FMNL2: variants seen among roughly 807,000 people sequenced by gnomAD.
FMNL2 encodes the protein formin like 2.
Under a neutral mutation model 130.2 loss-of-function variants are expected in FMNL2, and 51 were observed. That is an observed-to-expected ratio of 0.39 (90% CI 0.31 to 0.49). FMNL2 has a LOEUF of 0.49. Among genes scored for constraint, FMNL2 ranks in the 20% least tolerant of loss-of-function variants. The probability of loss-of-function intolerance (pLI) is 0.85; values close to 1 mark genes in which losing one functional copy is unlikely to be tolerated. For synonymous variants in FMNL2, 465 were observed against 467.1 expected (o/e 1.00, Z 0.06); for missense variants, 977 against 1,316.2 (o/e 0.74, Z 3.99).
At chr2:152,630,346 A>T (rs565550331) in intron 20 of FMNL2, among the ~76,000 whole-genome samples, 1 of 152,240 alleles carries the variant, frequency 6.6e-6, no homozygotes, top group South Asian at 2.1e-4. Context: ...TAAGTAAACT[A>T]TGTGGGGAGA....
At chr2:152,487,824 G>A (rs1334527141) in intron 1 of FMNL2, among the ~76,000 whole-genome samples, 6 of 146,762 alleles carry the variant, frequency 4.1e-5, no homozygotes, top group Non-Finnish European at 8.9e-5. Flanking sequence ...GTCTCACTCT[G>A]TTGCCCAGGC....
intron 10 of FMNL2, 123 bp downstream of exon 10, chr2:152,607,536 CAATTAAT>C: frequency 1.4e-6 from 1 of 717,088 alleles, no homozygotes; most frequent in East Asian, 2.8e-5. Flanking sequence ...CAGGGAATTG[CAATTAAT>C]ATGCTATAGA....
rs554177650 is a variant in FMNL2 at position 152,597,604 on chromosome 2, G to A, written c.877-9735G>A. Among the ~76,000 whole-genome samples the A allele has an allele frequency of 9.8e-4, 149 of 152,322 alleles. 1 individual carries two copies. The highest frequency in any genetic ancestry group is 3.5e-3 in the African/African-American group (147 of 41,552). ...GTATAATTTGGTGCACTGCCTTGATGCATGCTATGGCACTGGCAGTATTCA... is the reference window on the plus strand; with the variant it reads ...GTATAATTTGGTGCACTGCCTTGATACATGCTATGGCACTGGCAGTATTCA... On this transcript the variant is annotated intron_variant, in intron 9 of 25. Transcript: ENST00000288670.
intron 1 of FMNL2, among the ~76,000 whole-genome samples, chr2:152,503,833 T>C (rs567772276): frequency 6.6e-6 from 1 of 152,266 alleles, no homozygotes; most frequent in South Asian, 2.1e-4. Context: ...AGCCAGGATG[T>C]TCTCTCACAA....
chr2:152,336,093 AAAACAAAACAAAAC>A (rs1437326620), intron 1 of FMNL2, among the ~76,000 whole-genome samples: 43 of 59,790 alleles, frequency 7.2e-4, no homozygotes, highest in Non-Finnish European at 1.2e-3. Context: ...TTTTTTAAAA[AAAACAAAACAAAAC>A]AAAACAAAAC....
At chr2:152,350,913 C>T (rs6739954) in intron 1 of FMNL2, among the ~76,000 whole-genome samples, 77,714 of 151,792 alleles carry the variant, frequency 0.51, 24,002 homozygotes, top group Non-Finnish European at 0.72. Context: ...GGTATGGTGG[C>T]GCGCACTTGT....
At chr2:152,436,149 C>T (rs1421087878) in intron 1 of FMNL2, among the ~76,000 whole-genome samples, 1 of 151,892 alleles carries the variant, frequency 6.6e-6, no homozygotes, top group African/African-American at 2.4e-5. Context: ...CCAACTTCCT[C>T]ACCCCATTGC....
chr2:152,369,689 C>T (rs1430895333), intron 1 of FMNL2, among the ~76,000 whole-genome samples: 3 of 152,182 alleles, frequency 2.0e-5, no homozygotes, highest in Admixed American at 6.5e-5. Context: ...CTCTCTTTCC[C>T]TAGACAGGAC....
At chr2:152,425,015 T>C (rs891454688) in intron 1 of FMNL2, among the ~76,000 whole-genome samples, 7 of 152,236 alleles carry the variant, frequency 4.6e-5, no homozygotes, top group Admixed American at 4.6e-4. Context: ...ATTTTTGTTC[T>C]AGTTGTAAAC....
At chr2:152,339,177 A>G (rs1489629050) in intron 1 of FMNL2, among the ~76,000 whole-genome samples, 2 of 144,318 alleles carry the variant, frequency 1.4e-5, no homozygotes, top group African/African-American at 2.5e-5. Context: ...TTAAAACATT[A>G]TGAGATTTAT....
chr2:152,571,385 G>A (rs1023973696), intron 6 of FMNL2, among the ~76,000 whole-genome samples: 1 of 152,114 alleles, frequency 6.6e-6, no homozygotes, highest in African/African-American at 2.4e-5. Flanking sequence ...AATTATCCAT[G>A]GGAGTCCATG....
intron 1 of FMNL2, among the ~76,000 whole-genome samples, chr2:152,518,322 G>A (rs1223012222): frequency 6.6e-6 from 1 of 152,170 alleles, no homozygotes; most frequent in Non-Finnish European, 1.5e-5. Flanking sequence ...CATGGAAGGG[G>A]TTATTTTAGA....
chr2:152,529,157 T>C (rs1451931476), intron 2 of FMNL2, among the ~76,000 whole-genome samples: 1 of 152,222 alleles, frequency 6.6e-6, no homozygotes, highest in Admixed American at 6.5e-5. Flanking sequence ...CTTGCCCTTA[T>C]GTATTCATTA....
intron 9 of FMNL2, among the ~76,000 whole-genome samples, chr2:152,601,632 G>C (rs1465083306): frequency 2.0e-5 from 3 of 147,266 alleles, no homozygotes; most frequent in Non-Finnish European, 4.5e-5. Flanking sequence ...TTGCAAACCA[G>C]TAGTATTATC....
At chr2:152,596,041 C>T (rs1038356472) in intron 9 of FMNL2, among the ~76,000 whole-genome samples, 1 of 150,886 alleles carries the variant, frequency 6.6e-6, no homozygotes, top group Non-Finnish European at 1.5e-5. Flanking sequence ...CGGCTCACTG[C>T]AACCTCCTCC....
intron 1 of FMNL2, among the ~76,000 whole-genome samples, chr2:152,520,727 T>C (rs1693043263): frequency 6.6e-6 from 1 of 152,002 alleles, no homozygotes; most frequent in African/African-American, 2.4e-5. Flanking sequence ...TAAGGGAAAA[T>C]GCTTGGTTTA....
intron 1 of FMNL2, among the ~76,000 whole-genome samples, chr2:152,409,121 C>G (rs1474191084): frequency 6.6e-6 from 1 of 152,172 alleles, no homozygotes; most frequent in African/African-American, 2.4e-5. Flanking sequence ...TGCATCCTTT[C>G]CTTCCTCACC....
At chr2:152,481,586 A>G (rs1431814662) in intron 1 of FMNL2, among the ~76,000 whole-genome samples, 1 of 152,236 alleles carries the variant, frequency 6.6e-6, no homozygotes, top group Non-Finnish European at 1.5e-5. Flanking sequence ...AAAGCCTCCC[A>G]GGTGAGTCTA....
intron 1 of FMNL2, among the ~76,000 whole-genome samples, chr2:152,468,036 T>G (rs1427484377): frequency 6.6e-6 from 1 of 152,252 alleles, no homozygotes; most frequent in East Asian, 1.9e-4. Flanking sequence ...TACCCATTTC[T>G]AAATCACTGC....
Sources: allele counts gnomAD v4.1 joint callset (sites outside exome capture counted in the v4.1 genomes callset), GRCh38; gene constraint gnomAD v4.1.1; transcripts MANE v1.5; gene names NCBI Gene and HGNC (gene_info 2026-07-23, HGNC 2026-07-21).